TRIOBP: variants seen among roughly 807,000 people sequenced by gnomAD.
The protein encoded by TRIOBP is TRIO and F-actin binding protein.
In TRIOBP, 169 loss-of-function variants were observed where a neutral mutation model predicts 238.8. The observed-to-expected ratio is 0.71, with a 90% confidence interval of 0.62 to 0.80. The LOEUF is 0.80. Ranked by LOEUF, TRIOBP falls within the 30% of genes least tolerant of loss-of-function variation. The probability of loss-of-function intolerance (pLI) is 0.00; values close to 1 mark genes in which losing one functional copy is unlikely to be tolerated. For synonymous variants in TRIOBP, 1,150 were observed against 1,274.4 expected (o/e 0.90, Z 2.08); for missense variants, 2,838 against 3,122.6 (o/e 0.91, Z 2.17).
At position 37,735,162 on chromosome 22, in the gene TRIOBP, T is replaced by C. The variant is rs372381356; in HGVS notation, c.4826T>C (p.Leu1609Ser). Residue 1609 changes from leucine (L) to serine (S), a missense_variant, in exon 9 of 24, where the codon TTA becomes TCA. This residue lies in a region of TRIOBP where 2,096 missense variants were observed against 2,137.4 expected (regional missense o/e 0.98). Transcript: ENST00000644935. ...CACAGGGATGACCTGGCCAGGGCTTTAGGGCCAGAGCTGGGTCCCCCAGGC... is the reference window on the plus strand; with the variant it reads ...CACAGGGATGACCTGGCCAGGGCTTCAGGGCCAGAGCTGGGTCCCCCAGGC... ...AGHRDDLARA[L>S]GPELGPPGTN... The C allele has an allele frequency of 1.6e-5, 26 of 1,609,802 alleles. No individual in the cohort carries two copies. In the South Asian group the frequency reaches 1.8e-4, roughly 11 times the overall value.
chr22:37,727,282 G>GAGA (rs1199106185), intron 7 of TRIOBP, among the ~76,000 whole-genome samples: 1 of 151,696 alleles, frequency 6.6e-6, no homozygotes, highest in Non-Finnish European at 1.5e-5. Context: ...GTGCATGAGG[G>GAGA]AGAAGAAGAA....
chr22:37,719,997 G>T (rs59331657), intron 6 of TRIOBP, among the ~76,000 whole-genome samples: 23 of 46,230 alleles, frequency 5.0e-4, no homozygotes, highest in East Asian at 1.4e-3. Context: ...ATCCCCCCCC[G>T]CCCTTTTTTT....
chr22:37,698,678 AAG>A (rs1462120433), intron 2 of TRIOBP, among the ~76,000 whole-genome samples: 3 of 152,094 alleles, frequency 2.0e-5, no homozygotes, highest in Non-Finnish European at 1.5e-5. Context: ...CAAAATAAAA[AAG>A]AAAAAAATTA....
intron 9 of TRIOBP, among the ~76,000 whole-genome samples, chr22:37,737,149 G>C (rs1303202297): frequency 1.3e-5 from 2 of 152,208 alleles, no homozygotes; most frequent in Non-Finnish European, 2.9e-5. Context: ...ACACGGTGCT[G>C]TGTCCCGGGG....
At chr22:37,698,116 C>T (rs1922445388) in intron 2 of TRIOBP, among the ~76,000 whole-genome samples, 1 of 146,266 alleles carries the variant, frequency 6.8e-6, no homozygotes, top group Non-Finnish European at 1.5e-5. Context: ...AGGAGAATTG[C>T]TTGAATCCGG....
intron 11 of TRIOBP, among the ~76,000 whole-genome samples, chr22:37,749,197 A>G (rs1601651384): frequency 6.6e-6 from 1 of 152,128 alleles, no homozygotes; most frequent in Non-Finnish European, 1.5e-5. Flanking sequence ...TCTACTAAAA[A>G]TAAAAAAATT....
chr22:37,721,930 CTG>C (rs1488456943), intron 6 of TRIOBP, among the ~76,000 whole-genome samples: 3 of 152,174 alleles, frequency 2.0e-5, no homozygotes, highest in African/African-American at 7.2e-5. Flanking sequence ...CATGGCAACT[CTG>C]TCATGAGGCT....
Position 37,774,736 on chromosome 22 carries a change from C to T in TRIOBP, c.*956C>T, listed in dbSNP as rs969651053. On this transcript the variant is annotated 3_prime_UTR_variant, in exon 24 of 24. Transcript: ENST00000644935. ...GCATGTGGGAAATAGCAAGTCCAGTCCCACCCCAACCTACTGAACCAGCGT... is the reference window on the plus strand; with the variant it reads ...GCATGTGGGAAATAGCAAGTCCAGTTCCACCCCAACCTACTGAACCAGCGT... The T allele has an allele frequency of 1.3e-4, 20 of 152,508 alleles. No homozygotes were observed. Among genetic ancestry groups the T allele is most frequent in the African/African-American group, 4.3e-4 (18 of 41,566 alleles). The allele number at this position is 152,508 out of a possible 1,614,324, so 9.4% of individuals were successfully genotyped here. A position where few individuals can be genotyped will look rare whatever the true frequency, so the allele number is the denominator to read the frequency against.
Position 37,701,330 on chromosome 22 carries a change from G to T in TRIOBP, c.-36G>T. ...GGCCTCACATAGACGGTCAGCCATT[G>T]GATCATAGGAACTGCCCTGGCCTGA... is the stretch of plus-strand genomic sequence containing the variant. On this transcript the variant is annotated 5_prime_UTR_variant, in exon 3 of 24. Transcript: ENST00000644935. 2 of 1,548,512 alleles carry T rather than the reference G, an allele frequency of 1.3e-6. No homozygotes were observed. The highest frequency in any genetic ancestry group is 1.8e-5 in the Admixed American group (1 of 56,380).
At chr22:37,762,130 G>T (rs1409827095) in intron 17 of TRIOBP, among the ~76,000 whole-genome samples, 5 of 152,090 alleles carry the variant, frequency 3.3e-5, no homozygotes, top group African/African-American at 1.2e-4. Context: ...CAGTGCAGTG[G>T]CACAGAGGCT....
In TRIOBP at chr22:37,715,873, G is replaced by T. The variant is rs1318164921; in HGVS notation, c.567G>T (p.Arg189Ser). The change falls in exon 6 of 24, where the codon AGG (arginine) becomes AGT (serine). Residue 189 changes from arginine to serine, a missense_variant. Coordinates refer to ENST00000644935, the MANE Select transcript of TRIOBP (RefSeq NM_001039141.3). Reference protein sequence around the residue: ...REGPRADSSQRAPSLLTRSPV... With the variant: ...REGPRADSSQSAPSLLTRSPV... ...GGCCGAGAGCTGACAGCTCCCAAAG[G>T]GCTCCGTCTCTCCTCACCAGGTCCC... 3.7e-6 allele frequency: 6 copies of T among 1,613,664 alleles called. No individual in the cohort carries two copies. The highest frequency in any genetic ancestry group is 5.1e-6 in the Non-Finnish European group (6 of 1,179,932).
In TRIOBP at chr22:37,771,281, C is replaced by T. The variant is rs186752887; in HGVS notation, c.6850-369C>T. The stretch of plus-strand genomic sequence containing the variant: ...CTTGGTCAAGTCAGCAGCACCTAGC[C>T]CTCGGGGTTGGGGAGGGGTTAATGA... On this transcript the variant is annotated intron_variant, in intron 21 of 23. Coordinates refer to ENST00000644935, the MANE Select transcript of TRIOBP (RefSeq NM_001039141.3). Among the ~76,000 whole-genome samples the T allele has an allele frequency of 2.0e-5, 3 of 152,248 alleles. No individual in the cohort carries two copies. The East Asian group carries it at 5.8e-4, about 29-fold the overall frequency.
At chr22:37,762,028 T>G (rs1028030656) in intron 17 of TRIOBP, among the ~76,000 whole-genome samples, 10 of 152,196 alleles carry the variant, frequency 6.6e-5, no homozygotes, top group African/African-American at 2.4e-4. Context: ...GACCCATTCG[T>G]ACCCACCTAT....
chr22:37,700,678 G>T (rs1206821564), intron 2 of TRIOBP, among the ~76,000 whole-genome samples: 1 of 151,830 alleles, frequency 6.6e-6, no homozygotes, highest in Non-Finnish European at 1.5e-5. Flanking sequence ...AATGGGCCCA[G>T]CTGGAATCTG....
At chr22:37,705,391 C>G (rs1176636015) in intron 3 of TRIOBP, among the ~76,000 whole-genome samples, 1 of 151,734 alleles carries the variant, frequency 6.6e-6, no homozygotes, top group Non-Finnish European at 1.5e-5. Context: ...AACAAACAAA[C>G]AAAGAATATG....
chr22:37,699,009 T>C (rs1020343485), intron 2 of TRIOBP, among the ~76,000 whole-genome samples: 3 of 152,012 alleles, frequency 2.0e-5, no homozygotes, highest in East Asian at 1.9e-4. Context: ...GGCATGACGG[T>C]GCATGCCTGT....
chr22:37,721,629 C>T (rs1569039367), intron 6 of TRIOBP, among the ~76,000 whole-genome samples: 1 of 152,154 alleles, frequency 6.6e-6, no homozygotes, highest in Non-Finnish European at 1.5e-5. Context: ...AGGCACGTAC[C>T]ACCAGGCCCT....
intron 22 of TRIOBP, 175 bp downstream of exon 22, chr22:37,771,911 T>A: frequency 1.4e-6 from 1 of 711,332 alleles, no homozygotes. Flanking sequence ...AAACTGAGAC[T>A]AAGAAAGGGG....
rs564021047 is a variant in TRIOBP, at chr22:37,723,701, G to T, written c.1145G>T (p.Cys382Phe). The change falls in exon 7 of 24, where the codon TGT (cysteine) becomes TTT (phenylalanine). Residue 382 changes from cysteine (C) to phenylalanine (F), a missense_variant. By Grantham distance (205) the Cys-to-Phe change is radical (BLOSUM62 -2). This residue lies in a region of TRIOBP where 535 missense variants were observed against 537.3 expected (regional missense o/e 1.00). Coordinates refer to ENST00000644935, the MANE Select transcript of TRIOBP (RefSeq NM_001039141.3). The stretch of plus-strand genomic sequence containing the variant: ...CAGCGGGAAAACCCCAGGACACCCT[G>T]TGTCCAGCAGGACGATCCCAGAGCC... ...TPQRENPRTPCVQQDDPRASS... is the reference protein window; with the variant it reads ...TPQRENPRTPFVQQDDPRASS... 3.1e-6 allele frequency: 5 copies of T among 1,611,806 alleles called. No individual in the cohort carries two copies. The highest frequency in any genetic ancestry group is 4.2e-6 in the Non-Finnish European group (5 of 1,178,814).
Sources: gnomAD v4.1 joint callset for allele counts (sites outside exome capture counted in the v4.1 genomes callset) on GRCh38, gnomAD v4.1.1 for gene constraint, gnomAD v4.1.1 regional missense constraint, MANE v1.5 for transcripts, NCBI Gene and HGNC (gene_info 2026-07-23, HGNC 2026-07-21) for gene names.